The following LTBP1 variants were observed in gnomAD, a reference collection of about 807,000 sequenced individuals.
LTBP1 encodes latent transforming growth factor beta binding protein 1.
Under a neutral mutation model 207.6 loss-of-function variants are expected in LTBP1, and 129 were observed. That is an observed-to-expected ratio of 0.62 (90% CI 0.54 to 0.72). The LOEUF is 0.72. Among genes scored for constraint, LTBP1 ranks in the 30% least tolerant of loss-of-function variants. LTBP1 has a pLI of 0.00. For synonymous variants in LTBP1, 963 were observed against 833.7 expected (o/e 1.16, Z -2.67); for missense variants, 2,281 against 2,217.2 (o/e 1.03, Z -0.58).
chr2:33,140,130 T>G (rs2082517295), intron 5 of LTBP1, among the ~76,000 whole-genome samples: 1 of 152,172 alleles, frequency 6.6e-6, no homozygotes, highest in African/African-American at 2.4e-5. Context: ...AAAATCGCCT[T>G]GGAGATTTCA....
In LTBP1 at chr2:33,071,551, CAG is replaced by C. The variant is rs537890792; in HGVS notation, c.864-39030_864-39029del. Among the ~76,000 whole-genome samples, 46 of 152,074 alleles carry C rather than the reference CAG, an allele frequency of 3.0e-4. 1 individual carries two copies. The South Asian group carries it at 9.6e-3, about 32-fold the overall frequency. On this transcript the variant is annotated intron_variant, in intron 3 of 33. Transcript: ENST00000404816. ...TGCAGAATGGATTTTGGAGCAGGAA[CAG>C]GGGGAAGGGAAGCAGGGAATCAGAA...
At chr2:33,299,620 A>G (rs2093945913) in intron 20 of LTBP1, among the ~76,000 whole-genome samples, 1 of 152,204 alleles carries the variant, frequency 6.6e-6, no homozygotes, top group African/African-American at 2.4e-5. Context: ...CATTCAGCAG[A>G]ACATTCTGAG....
chr2:33,349,269 G>A (rs1193408333), intron 26 of LTBP1, among the ~76,000 whole-genome samples: 2 of 152,266 alleles, frequency 1.3e-5, no homozygotes, highest in East Asian at 3.9e-4. Context: ...GGCCAACAAG[G>A]TGAAACCCTG....
At position 33,386,295 on chromosome 2, in the gene LTBP1, C is replaced by T. The variant is rs552833853; in HGVS notation, c.4712-2889C>T. Reference sequence around the variant, plus strand: ...AGCCTGCCCTTCCTCTTCACCCTCACCTTCAGTCCTTTCCTCTGGCGTTGC... The same window carrying T: ...AGCCTGCCCTTCCTCTTCACCCTCATCTTCAGTCCTTTCCTCTGGCGTTGC... On this transcript the variant is annotated intron_variant, in intron 31 of 33. Transcript: ENST00000404816. 1.4e-3 allele frequency among the ~76,000 whole-genome samples: 213 copies of T among 152,330 alleles called. 1 individual carries two copies. Among genetic ancestry groups the T allele is most frequent in the African/African-American group, 4.9e-3 (204 of 41,584 alleles).
intron 2 of LTBP1, among the ~76,000 whole-genome samples, chr2:32,974,511 A>C (rs1376514528): frequency 6.6e-6 from 1 of 152,230 alleles, no homozygotes; most frequent in Non-Finnish European, 1.5e-5. Flanking sequence ...GTAGCTTGCA[A>C]ATATTTTCTC....
At chr2:33,369,173 G>T (rs766156614) in intron 31 of LTBP1, among the ~76,000 whole-genome samples, 29 of 151,446 alleles carry the variant, frequency 1.9e-4, no homozygotes, top group Admixed American at 4.0e-4. Flanking sequence ...AATATCAGGG[G>T]AAAAAAGATA....
intron 2 of LTBP1, among the ~76,000 whole-genome samples, chr2:32,962,425 A>G (rs1315900282): frequency 6.6e-6 from 1 of 152,204 alleles, no homozygotes; most frequent in Non-Finnish European, 1.5e-5. Context: ...TTAAAGGTAG[A>G]GACTGTTTTT....
chr2:33,098,581 TGCCAC>T (rs2079526856), intron 3 of LTBP1, among the ~76,000 whole-genome samples: 1 of 151,940 alleles, frequency 6.6e-6, no homozygotes, highest in Admixed American at 6.6e-5. Context: ...TACAGGCGCA[TGCCAC>T]CACACCCAGT....
intron 2 of LTBP1, among the ~76,000 whole-genome samples, chr2:32,968,052 C>CT (rs1680260498): frequency 1.3e-5 from 2 of 152,174 alleles, no homozygotes; most frequent in Non-Finnish European, 2.9e-5. Flanking sequence ...ACTGCAACCT[C>CT]TGTCTCCTGG....
intron 3 of LTBP1, among the ~76,000 whole-genome samples, chr2:33,058,244 A>G (rs998720769): frequency 6.6e-6 from 1 of 152,206 alleles, no homozygotes; most frequent in African/African-American, 2.4e-5. Context: ...TGAGTAATAG[A>G]ATTATGTTAG....
At chr2:33,374,420 A>G (rs59932962) in intron 31 of LTBP1, among the ~76,000 whole-genome samples, 2,090 of 152,340 alleles carry the variant, frequency 0.014, 47 homozygotes, top group African/African-American at 0.048. Context: ...TATCATTTCA[A>G]TCATAGATCC....
At chr2:33,093,519 T>C (rs1265475730) in intron 3 of LTBP1, among the ~76,000 whole-genome samples, 2 of 152,186 alleles carry the variant, frequency 1.3e-5, no homozygotes, top group Admixed American at 6.5e-5. Context: ...ACATTTTTAA[T>C]GTTTTACCTT....
intron 5 of LTBP1, among the ~76,000 whole-genome samples, chr2:33,144,111 C>T (rs908661169): frequency 1.3e-4 from 19 of 151,562 alleles, no homozygotes; most frequent in Non-Finnish European, 2.9e-5. Context: ...GGGGTAGAGG[C>T]GTTGAGAGAG....
At chr2:33,145,897 C>T (rs779754074) in intron 5 of LTBP1, among the ~76,000 whole-genome samples, 1 of 152,122 alleles carries the variant, frequency 6.6e-6, no homozygotes, top group Non-Finnish European at 1.5e-5. Context: ...GAAATCATAA[C>T]CTTATTTGGT....
chr2:33,206,336 A>G (rs2089871322), intron 7 of LTBP1, among the ~76,000 whole-genome samples: 1 of 152,184 alleles, frequency 6.6e-6, no homozygotes, highest in African/African-American at 2.4e-5. Context: ...TGAGGCATGC[A>G]TTACAATTTC....
intron 31 of LTBP1, among the ~76,000 whole-genome samples, chr2:33,386,698 G>A (rs2095268195): frequency 1.3e-5 from 2 of 152,102 alleles, no homozygotes; most frequent in Admixed American, 6.6e-5. Flanking sequence ...GGTAGCTCAT[G>A]CCTGTAGTTC....
At chr2:33,226,337 A>G (rs561705786) in intron 9 of LTBP1, among the ~76,000 whole-genome samples, 7 of 152,206 alleles carry the variant, frequency 4.6e-5, no homozygotes, top group Non-Finnish European at 8.8e-5. Flanking sequence ...ATTGCAGTAT[A>G]ATCTAAAGTA....
intron 7 of LTBP1, among the ~76,000 whole-genome samples, chr2:33,192,703 G>A (rs1218481907): frequency 6.6e-6 from 1 of 152,138 alleles, no homozygotes; most frequent in East Asian, 1.9e-4. Flanking sequence ...AGTCCATTTT[G>A]TGTTGTTATA....
At chr2:32,964,729 TA>T (rs879890494) in intron 2 of LTBP1, among the ~76,000 whole-genome samples, 2 of 151,988 alleles carry the variant, frequency 1.3e-5, no homozygotes, top group Non-Finnish European at 2.9e-5. Context: ...TTTGTAACAT[TA>T]AAAAAAATTT....
Sources: gnomAD v4.1 joint callset for allele counts (sites outside exome capture counted in the v4.1 genomes callset) on GRCh38, gnomAD v4.1.1 for gene constraint, MANE v1.5 for transcripts, NCBI Gene and HGNC (gene_info 2026-07-23, HGNC 2026-07-21) for gene names.